The following LMCD1 variants were observed in gnomAD, a reference collection of about 807,000 sequenced individuals.
The protein encoded by LMCD1 is LIM and cysteine rich domains 1.
A neutral mutation model predicts 42.7 loss-of-function variants in LMCD1; 32 were observed. That is an observed-to-expected ratio of 0.75 (90% CI 0.57 to 1.01). LMCD1 has a LOEUF of 1.01. Among genes scored for constraint, LMCD1 ranks in the 50% least tolerant of loss-of-function variants. The pLI is 0.00. For missense variants in LMCD1, 458 were observed against 483.1 expected (o/e 0.95, Z 0.49); for synonymous variants, 178 against 184.9 (o/e 0.96, Z 0.30).
At chr3:8,519,939 T>C (rs954750183) in intron 1 of LMCD1, among the ~76,000 whole-genome samples, 3 of 151,936 alleles carry the variant, frequency 2.0e-5, no homozygotes, top group African/African-American at 7.3e-5. Flanking sequence ...TGTGTGTGTG[T>C]GTGTGTCAAT....
At chr3:8,537,125 GA>G in intron 2 of LMCD1, 59 bp from the exon 3 acceptor site, 1 of 1,568,106 alleles carries the variant, frequency 6.4e-7, no homozygotes, top group Non-Finnish European at 8.7e-7. Flanking sequence ...CTGCTAGCAG[GA>G]GAATGTGCCT....
At chr3:8,542,281 C>A (rs1281484925) in intron 3 of LMCD1, among the ~76,000 whole-genome samples, 1 of 152,116 alleles carries the variant, frequency 6.6e-6, no homozygotes, top group African/African-American at 2.4e-5. Flanking sequence ...GGATTACAGG[C>A]ATGAACCACC....
At chr3:8,517,241 A>G (rs1694117037) in intron 1 of LMCD1, among the ~76,000 whole-genome samples, 1 of 152,204 alleles carries the variant, frequency 6.6e-6, no homozygotes, top group African/African-American at 2.4e-5. Flanking sequence ...CCTCATGTAC[A>G]TACACTTTGT....
At chr3:8,506,588 T>G (rs1355788952) in intron 1 of LMCD1, among the ~76,000 whole-genome samples, 1 of 152,156 alleles carries the variant, frequency 6.6e-6, no homozygotes, top group African/African-American at 2.4e-5. Context: ...CAATTTGACT[T>G]TAGGAAGGCA....
chr3:8,543,771 T>C (rs948005136), intron 3 of LMCD1, among the ~76,000 whole-genome samples: 1 of 152,212 alleles, frequency 6.6e-6, no homozygotes, highest in African/African-American at 2.4e-5. Context: ...TGGCTTAAAG[T>C]GCTCATTTCT....
intron 1 of LMCD1, among the ~76,000 whole-genome samples, chr3:8,506,792 G>A (rs1383716757): frequency 6.6e-6 from 1 of 152,136 alleles, no homozygotes; most frequent in Non-Finnish European, 1.5e-5. Flanking sequence ...TTTACTCACT[G>A]GGTGACTTTG....
At chr3:8,507,528 A>G (rs1355596657) in intron 1 of LMCD1, among the ~76,000 whole-genome samples, 1 of 152,112 alleles carries the variant, frequency 6.6e-6, no homozygotes, top group Non-Finnish European at 1.5e-5. Flanking sequence ...TTTATTATCT[A>G]TTTGGATTCT....
At chr3:8,530,159 A>G (rs1574957159) in intron 1 of LMCD1, among the ~76,000 whole-genome samples, 1 of 152,174 alleles carries the variant, frequency 6.6e-6, no homozygotes, top group South Asian at 2.1e-4. Flanking sequence ...AGTGCCTGCC[A>G]TTTGTATTTG....
intron 4 of LMCD1, among the ~76,000 whole-genome samples, chr3:8,555,880 AGCC>A (rs1286529874): frequency 6.6e-6 from 1 of 152,084 alleles, no homozygotes; most frequent in African/African-American, 2.4e-5. Context: ...GAAGCACTAA[AGCC>A]GCCATAGGCA....
chr3:8,563,427 T>A (rs1695074950), intron 4 of LMCD1, among the ~76,000 whole-genome samples: 1 of 152,204 alleles, frequency 6.6e-6, no homozygotes, highest in South Asian at 2.1e-4. Flanking sequence ...ATTCAGCAAC[T>A]ATTGATGGGG....
At chr3:8,510,553 A>C (rs968637917) in intron 1 of LMCD1, among the ~76,000 whole-genome samples, 2 of 152,212 alleles carry the variant, frequency 1.3e-5, no homozygotes, top group Non-Finnish European at 2.9e-5. Context: ...ATTTCTTTCT[A>C]CTGTGAATAA....
intron 1 of LMCD1, among the ~76,000 whole-genome samples, chr3:8,521,121 T>C (rs1291860992): frequency 6.6e-6 from 1 of 152,190 alleles, no homozygotes; most frequent in African/African-American, 2.4e-5. Context: ...GGGTCCCTTA[T>C]ACGTAAGATT....
chr3:8,560,881 C>T (rs1695022470), intron 4 of LMCD1, among the ~76,000 whole-genome samples: 1 of 152,160 alleles, frequency 6.6e-6, no homozygotes, highest in African/African-American at 2.4e-5. Context: ...CATTATCAGG[C>T]ACAGTCAGGA....
intron 3 of LMCD1, among the ~76,000 whole-genome samples, chr3:8,538,289 C>T (rs779656825): frequency 5.3e-5 from 8 of 152,166 alleles, no homozygotes; most frequent in Middle Eastern, 3.2e-3. Context: ...AGATACCGCA[C>T]GCCTGACATA....
At chr3:8,529,672 A>G (rs923139175) in intron 1 of LMCD1, among the ~76,000 whole-genome samples, 3 of 152,218 alleles carry the variant, frequency 2.0e-5, no homozygotes, top group Non-Finnish European at 4.4e-5. Flanking sequence ...AAACCTAGTC[A>G]GAGAGGCAAC....
At chr3:8,533,725 C>T (rs6795922) in intron 2 of LMCD1, among the ~76,000 whole-genome samples, 18,912 of 152,024 alleles carry the variant, frequency 0.12, 1,588 homozygotes, top group African/African-American at 0.23. Flanking sequence ...TTAGTATCTC[C>T]ATTTTGTTGA....
At chr3:8,534,317 A>G (rs1210194290) in intron 2 of LMCD1, among the ~76,000 whole-genome samples, 1 of 151,926 alleles carries the variant, frequency 6.6e-6, no homozygotes, top group Non-Finnish European at 1.5e-5. Flanking sequence ...CTGGTTTTCC[A>G]GTTGTTCAGG....
At chr3:8,554,742 C>G (rs1294685260) in intron 4 of LMCD1, among the ~76,000 whole-genome samples, 1 of 152,192 alleles carries the variant, frequency 6.6e-6, no homozygotes, top group Non-Finnish European at 1.5e-5. Flanking sequence ...AGCAGCTCCA[C>G]CAAGCCATTG....
chr3:8,551,344 C>G (rs1021600760), intron 4 of LMCD1: 1 of 985,238 alleles, frequency 1.0e-6, no homozygotes, highest in East Asian at 1.1e-4. Flanking sequence ...GCGGACGGTG[C>G]GATTCCAGTT....
Sources: allele counts gnomAD v4.1 joint callset (sites outside exome capture counted in the v4.1 genomes callset), GRCh38; gene constraint gnomAD v4.1.1; transcripts MANE v1.5; gene names NCBI Gene and HGNC (gene_info 2026-07-23, HGNC 2026-07-21).